CCL19: variants seen among roughly 807,000 people sequenced by gnomAD.
CCL19 encodes the protein C-C motif chemokine 19.
CCL19 carries 5 observed loss-of-function variants against 9.7 expected under a neutral mutation model. The ratio of observed to expected loss-of-function variants is 0.51; its 90% confidence interval spans 0.27 to 1.08. CCL19 has a LOEUF of 1.08. CCL19 is among the 50% of genes least tolerant of loss of function. CCL19 has a pLI of 0.12. For missense variants in CCL19, 90 were observed against 122.5 expected (o/e 0.73, Z 1.25); for synonymous variants, 40 against 47.4 (o/e 0.84, Z 0.64).
chr9:34,690,079 A>G (rs1821776541), intron 2 of CCL19, 56 bp from the exon 3 acceptor site: 2 of 1,592,016 alleles, frequency 1.3e-6, no homozygotes, highest in East Asian at 2.2e-5. Flanking sequence ...CCTGGGGACC[A>G]TGTCTGGGAA....
In CCL19 at chr9:34,690,423, CCTGT is replaced by C. The variant is rs1490876691; in HGVS notation, c.50-85_50-82del. On this transcript the variant is annotated intron_variant, in intron 1 of 3. Transcript: ENST00000311925. ...ATGGCCCTAGCTCGGATTGAGGACACCTGTGTGTGTGTGTGTGTGTGTGTGTGTG... is the reference window on the plus strand; with the variant it reads ...ATGGCCCTAGCTCGGATTGAGGACACGTGTGTGTGTGTGTGTGTGTGTGTG... 12 of 913,154 alleles carry C rather than the reference CCTGT, an allele frequency of 1.3e-5. No homozygotes were observed. The East Asian group carries it at 2.3e-4, about 18-fold the overall frequency. The allele number at this position is 913,154 out of a possible 1,614,324, so 56.6% of individuals were successfully genotyped here. A position where few individuals can be genotyped will look rare whatever the true frequency, so the allele number is the denominator to read the frequency against.
Position 34,689,911 on chromosome 9 carries a change from C to G in CCL19, c.276+19G>C, listed in dbSNP as rs755158922. Reference sequence around the variant, plus strand: ...GGAGCTCAGAGGGAGGAGACAGGGCCAGGGAGGGCCAGGCTTGCCTTGGCT... The same window carrying G: ...GGAGCTCAGAGGGAGGAGACAGGGCGAGGGAGGGCCAGGCTTGCCTTGGCT... On this transcript the variant is annotated intron_variant, in intron 3 of 3. Transcript: ENST00000311925. The surrounding 1 kb of genome is among the most constrained non-coding windows in gnomAD (Gnocchi z 4.1). 28 of 1,613,894 alleles carry G rather than the reference C, an allele frequency of 1.7e-5. No individual in the cohort carries two copies. In the African/African-American group the frequency reaches 3.6e-4, roughly 21 times the overall value.
At chr9:34,690,060 T>C (rs1270614367) in intron 2 of CCL19, 37 bp from the exon 3 acceptor site, 1 of 1,601,168 alleles carries the variant, frequency 6.2e-7, no homozygotes. Context: ...AGCCCCAGAA[T>C]CCAGCATGCC....
At chr9:34,690,976 C>A in intron 1 of CCL19, 115 bp downstream of exon 1, 3 of 879,152 alleles carry the variant, frequency 3.4e-6, no homozygotes, top group Non-Finnish European at 5.3e-6. Context: ...CAGACCTAAG[C>A]ATTTGCCTGA....
At chr9:34,690,949 A>C (rs1821785515) in intron 1 of CCL19, 142 bp downstream of exon 1, 3 of 679,676 alleles carry the variant, frequency 4.4e-6, no homozygotes, top group Non-Finnish European at 7.4e-6. Flanking sequence ...GGGACCTGCC[A>C]GGCTCACCGA....
chr9:34,691,004 C>T (rs747948404), intron 1 of CCL19, 87 bp downstream of exon 1: 22 of 1,190,810 alleles, frequency 1.8e-5, no homozygotes, highest in Admixed American at 8.9e-5. Context: ...ATGTCCCTTA[C>T]GTCCAGTGCC....
At chr9:34,690,379 C>T (rs765597015) in intron 1 of CCL19, 37 bp from the exon 2 acceptor site, 4 of 1,602,978 alleles carry the variant, frequency 2.5e-6, no homozygotes, top group Non-Finnish European at 2.6e-6. Context: ...ACACAGGGAC[C>T]CTTGAGGGTG....
Position 34,691,153 on chromosome 9 carries a change from A to T in CCL19, c.-14T>A. 6.2e-7 allele frequency: 1 copy of T among 1,613,026 alleles called. No individual in the cohort carries two copies. Among genetic ancestry groups the T allele is most frequent in the Non-Finnish European group, 8.5e-7 (1 of 1,179,572 alleles). On this transcript the variant is annotated 5_prime_UTR_variant, in exon 1 of 4. Coordinates refer to ENST00000311925, the MANE Select transcript of CCL19 (RefSeq NM_006274.3). The stretch of plus-strand genomic sequence containing the variant: ...TAGCAGGGCCATGGAGGGTGAACAG[A>T]GGCAGGCCAACGGTGAATGTGTGAG...
rs542345097 is a variant in CCL19 at position 34,689,900 on chromosome 9, G to A, written c.276+30C>T. 6.2e-7 allele frequency: 1 copy of A among 1,614,086 alleles called. No homozygotes were observed. Among genetic ancestry groups the A allele is most frequent in the East Asian group, 2.2e-5 (1 of 44,890 alleles). On this transcript the variant is annotated intron_variant, in intron 3 of 3. Transcript: ENST00000311925. The surrounding 1 kb of genome is among the most constrained non-coding windows in gnomAD (Gnocchi z 4.1). ...AATCTTAGACAGGAGCTCAGAGGGA[G>A]GAGACAGGGCCAGGGAGGGCCAGGC...
chr9:34,689,745 C>A lies in CCL19; in HGVS notation c.*74G>T. ...TGGAAGCCTGGTCCTTCCTTCTGGTCCTCGGTTCCCCAGGTTAGGTAATAA... is the reference window on the plus strand; with the variant it reads ...TGGAAGCCTGGTCCTTCCTTCTGGTACTCGGTTCCCCAGGTTAGGTAATAA... On this transcript the variant is annotated 3_prime_UTR_variant, in exon 4 of 4. Transcript: ENST00000311925. The surrounding 1 kb of genome is among the most constrained non-coding windows in gnomAD (Gnocchi z 4.1). 6.4e-7 allele frequency: 1 copy of A among 1,573,510 alleles called. No homozygotes were observed. The highest frequency in any genetic ancestry group is 1.1e-5 in the South Asian group (1 of 89,040).
In CCL19 at chr9:34,691,181, C is replaced by G. The variant is rs139086139; in HGVS notation, c.-42G>C. 173 of 1,596,548 alleles carry G rather than the reference C, an allele frequency of 1.1e-4. 1 individual carries two copies. In the East Asian group the frequency reaches 3.8e-3, roughly 35 times the overall value. On this transcript the variant is annotated 5_prime_UTR_variant, in exon 1 of 4. Coordinates refer to ENST00000311925, the MANE Select transcript of CCL19 (RefSeq NM_006274.3). ...CAGGCCAACGGTGAATGTGTGAGCG[C>G]CAGCTGTCTGGGTGTGTGCAGGATC...
rs759868355 is a variant in CCL19 at position 34,690,203 on chromosome 9, A to G, written c.182+7T>C. 6.2e-7 allele frequency: 1 copy of G among 1,614,094 alleles called. No individual in the cohort carries two copies. On this transcript the variant is annotated splice_region_variant and intron_variant, in intron 2 of 3. Transcript: ENST00000311925. ...AGATGAGGCTAGACACCCTCCCCACAACTCACACTACAGCAGGCACCCTGC... is the reference window on the plus strand; with the variant it reads ...AGATGAGGCTAGACACCCTCCCCACGACTCACACTACAGCAGGCACCCTGC...
intron 1 of CCL19, 134 bp downstream of exon 1, chr9:34,690,957 C>T (rs528222465): frequency 1.5e-5 from 11 of 740,968 alleles, no homozygotes; most frequent in Admixed American, 3.1e-5. Flanking sequence ...CCAGGCTCAC[C>T]GAAATATACA....
At chr9:34,690,693 G>T (rs1821783389) in intron 1 of CCL19, among the ~76,000 whole-genome samples, 7 of 152,232 alleles carry the variant, frequency 4.6e-5, no homozygotes, top group Middle Eastern at 3.4e-3. Flanking sequence ...TGTGGGAGGG[G>T]CGTGGGGTAG....
Position 34,691,231 on chromosome 9 carries a change from G to T in CCL19, c.-92C>A. The T allele has an allele frequency of 8.9e-7, 1 of 1,119,170 alleles. No homozygotes were observed. Among genetic ancestry groups the T allele is most frequent in the Admixed American group, 2.0e-5 (1 of 49,302 alleles). 69.3% of individuals were successfully genotyped at this position (1,119,170 alleles called of 1,614,324 possible). ...CTGTGTGAGGCTGCAGGGCGACTGG[G>T]ATGCAGGGGTGAAATGCAAGGTGTG... On this transcript the variant is annotated 5_prime_UTR_variant, in exon 1 of 4. Coordinates refer to ENST00000311925, the MANE Select transcript of CCL19 (RefSeq NM_006274.3).
intron 2 of CCL19, 50 bp downstream of exon 2, chr9:34,690,160 A>G (rs1395337148): frequency 6.2e-7 from 1 of 1,609,744 alleles, no homozygotes; most frequent in South Asian, 1.1e-5. Context: ...TGGGAGTCTC[A>G]ACAGGGGCTA....
Position 34,691,273 on chromosome 9 carries a change from G to T in CCL19, c.-134C>A. 1.5e-6 allele frequency: 1 copy of T among 655,414 alleles called. No homozygotes were observed. Among genetic ancestry groups the T allele is most frequent in the East Asian group, 3.0e-5 (1 of 33,392 alleles). 40.6% of individuals were successfully genotyped at this position (655,414 alleles called of 1,614,324 possible). A position where few individuals can be genotyped will look rare whatever the true frequency, so the allele number is the denominator to read the frequency against. On this transcript the variant is annotated 5_prime_UTR_variant, in exon 1 of 4. Coordinates refer to ENST00000311925, the MANE Select transcript of CCL19 (RefSeq NM_006274.3). ...CAAGGTGTGAGTGATGTGAGGCTGG[G>T]AATGTGAGCCCTGCAGCTGACTCCT...
intron 1 of CCL19, 82 bp from the exon 2 acceptor site, chr9:34,690,424 C>CTGTGTG (rs74180568): frequency 0.037 from 22,563 of 605,212 alleles, 307 homozygotes; most frequent in East Asian, 0.066. Context: ...TTGAGGACAC[C>CTGTGTG]TGTGTGTGTG....
Position 34,689,595 on chromosome 9 carries a change from A to T in CCL19, c.*224T>A. 1.8e-6 allele frequency: 1 copy of T among 560,170 alleles called. No individual in the cohort carries two copies. The highest frequency in any genetic ancestry group is 3.2e-6 in the Non-Finnish European group (1 of 315,460). 34.7% of individuals were successfully genotyped at this position (560,170 alleles called of 1,614,324 possible). ...TTAGTTGTAAACACCAGGCGGCTTT[A>T]TTGGTAGCATTGCAATCTGGGGGTG... On this transcript the variant is annotated 3_prime_UTR_variant, in exon 4 of 4. Coordinates refer to ENST00000311925, the MANE Select transcript of CCL19 (RefSeq NM_006274.3). This position sits in a 1 kb window ranked among gnomAD's most constrained non-coding sequence, Gnocchi z 4.1.
Sources: allele counts gnomAD v4.1 joint callset (sites outside exome capture counted in the v4.1 genomes callset), GRCh38; gene constraint gnomAD v4.1.1; non-coding constraint Gnocchi (gnomAD v3.1); transcripts MANE v1.5; gene names NCBI Gene and HGNC (gene_info 2026-07-23, HGNC 2026-07-21).